GPBP1L1: variants seen among roughly 807,000 people sequenced by gnomAD.
GPBP1L1 encodes vasculin-like protein 1.
A neutral mutation model predicts 52.5 loss-of-function variants in GPBP1L1; 23 were observed. That is an observed-to-expected ratio of 0.44 (90% CI 0.32 to 0.62). The LOEUF is 0.62. Ranked by LOEUF, GPBP1L1 falls within the 20% of genes least tolerant of loss-of-function variation. GPBP1L1 has a pLI of 0.06. For missense variants in GPBP1L1, 596 were observed against 579.3 expected (o/e 1.03, Z -0.30); for synonymous variants, 243 against 203.1 (o/e 1.20, Z -1.67).
In GPBP1L1 at chr1:45,674,862, AT is replaced by A. The variant is rs1266625397; in HGVS notation, c.-1098+10713del. On this transcript the variant is annotated intron_variant, in intron 2 of 12. Coordinates refer to ENST00000355105, the MANE Select transcript of GPBP1L1 (RefSeq NM_021639.5). Reference sequence around the variant, plus strand: ...ATTTTCAACTTAACATTATTTTCAAATTACAAATGGGTTTATCCAGATGTAA... The same window carrying A: ...ATTTTCAACTTAACATTATTTTCAAATACAAATGGGTTTATCCAGATGTAA... Among the ~76,000 whole-genome samples the A allele has an allele frequency of 1.3e-3, 205 of 152,340 alleles. 3 individuals carry two copies. The highest frequency in any genetic ancestry group is 4.7e-3 in the African/African-American group (194 of 41,572).
chr1:45,659,076 A>T lies in GPBP1L1; in HGVS notation c.12T>A (p.His4Gln), dbSNP rs780874896. 6 of 1,614,150 alleles carry T rather than the reference A, an allele frequency of 3.7e-6. No individual in the cohort carries two copies. The highest frequency in any genetic ancestry group is 5.1e-6 in the Non-Finnish European group (6 of 1,179,980). Residue 4 changes from histidine to glutamine, a missense_variant, in exon 4 of 13, where the codon CAT becomes CAA. Physicochemically the swap from His to Gln is conservative, Grantham distance 24. Coordinates refer to ENST00000355105, the MANE Select transcript of GPBP1L1 (RefSeq NM_021639.5). The stretch of plus-strand genomic sequence containing the variant: ...AATTTAGCCAAGCAGGAACAAAATC[A>T]TGCTGCGCCATTTAGGTCCAGTGTC... Reference protein sequence around the residue: MAQHDFVPAWLNFS... With the variant: MAQQDFVPAWLNFS...
At chr1:45,658,097 G>T (rs1186578551) in intron 4 of GPBP1L1, among the ~76,000 whole-genome samples, 1 of 152,112 alleles carries the variant, frequency 6.6e-6, no homozygotes, top group Non-Finnish European at 1.5e-5. Context: ...TGTGTACTGT[G>T]ACTAGGTCTG....
chr1:45,636,379 T>C (rs1442272225), intron 8 of GPBP1L1, among the ~76,000 whole-genome samples: 2 of 152,216 alleles, frequency 1.3e-5, no homozygotes, highest in African/African-American at 2.4e-5. Flanking sequence ...CAATTACTTA[T>C]AACTGTTTCA....
intron 2 of GPBP1L1, among the ~76,000 whole-genome samples, chr1:45,680,993 C>T (rs1645206196): frequency 6.6e-6 from 1 of 151,624 alleles, no homozygotes; most frequent in Non-Finnish European, 1.5e-5. Flanking sequence ...AACAAGAACA[C>T]TGAAAACCCA....
intron 2 of GPBP1L1, among the ~76,000 whole-genome samples, chr1:45,681,369 T>TG (rs1189880323): frequency 2.6e-5 from 4 of 152,132 alleles, no homozygotes; most frequent in Non-Finnish European, 5.9e-5. Context: ...ATCTAGAATG[T>TG]GGGAAACTGC....
At chr1:45,666,881 G>A (rs2148495061) in intron 2 of GPBP1L1, among the ~76,000 whole-genome samples, 1 of 152,252 alleles carries the variant, frequency 6.6e-6, no homozygotes, top group East Asian at 1.9e-4. Flanking sequence ...AGGAAATGAA[G>A]TACTGATATA....
chr1:45,658,100 T>C (rs1644905887), intron 4 of GPBP1L1, among the ~76,000 whole-genome samples: 1 of 152,220 alleles, frequency 6.6e-6, no homozygotes, highest in African/African-American at 2.4e-5. Context: ...GTACTGTGAC[T>C]AGGTCTGCTT....
At chr1:45,645,862 G>C (rs1341449170) in intron 6 of GPBP1L1, 1 of 493,856 alleles carries the variant, frequency 2.0e-6, no homozygotes, top group East Asian at 5.7e-5. Context: ...TTTTCGTCTT[G>C]CTTCTTCATG....
At chr1:45,629,529 T>C in intron 12 of GPBP1L1, 47 bp downstream of exon 12, 4 of 971,510 alleles carry the variant, frequency 4.1e-6, no homozygotes, top group African/African-American at 1.7e-5. Context: ...TGACTCCTTA[T>C]TCTCCTGGTT....
At chr1:45,644,562 T>C (rs1481455369) in intron 6 of GPBP1L1, among the ~76,000 whole-genome samples, 2 of 152,220 alleles carry the variant, frequency 1.3e-5, no homozygotes, top group African/African-American at 4.8e-5. Flanking sequence ...ACTGCATTTT[T>C]TTTTTTTACT....
At chr1:45,684,186 A>G (rs11211162) in intron 2 of GPBP1L1, among the ~76,000 whole-genome samples, 41,452 of 137,586 alleles carry the variant, frequency 0.3, 5,983 homozygotes, top group Middle Eastern at 0.4. Flanking sequence ...TGAACCCAGG[A>G]GGCGGAGGTT....
intron 2 of GPBP1L1, among the ~76,000 whole-genome samples, chr1:45,666,181 G>A (rs117757832): frequency 8.7e-5 from 13 of 150,270 alleles, no homozygotes; most frequent in East Asian, 6.1e-4. Flanking sequence ...GGAGTGCAGT[G>A]GCACCCACTG....
intron 2 of GPBP1L1, among the ~76,000 whole-genome samples, chr1:45,669,926 T>C (rs539796058): frequency 2.0e-5 from 3 of 152,352 alleles, no homozygotes; most frequent in Admixed American, 6.5e-5. Context: ...TCACTAGTTA[T>C]CAATCTATCT....
chr1:45,638,465 T>C (rs963142495), intron 8 of GPBP1L1, among the ~76,000 whole-genome samples: 21 of 152,248 alleles, frequency 1.4e-4, no homozygotes, highest in African/African-American at 3.4e-4. Flanking sequence ...CCTGTTGCTA[T>C]TGCAAACTCA....
intron 2 of GPBP1L1, among the ~76,000 whole-genome samples, chr1:45,681,286 T>C (rs577653459): frequency 6.6e-6 from 1 of 152,190 alleles, no homozygotes; most frequent in South Asian, 2.1e-4. Context: ...GTCTTCTCAG[T>C]CTTCTCTATC....
chr1:45,630,719 T>C, intron 10 of GPBP1L1, 113 bp from the exon 11 acceptor site: 7 of 1,197,286 alleles, frequency 5.8e-6, no homozygotes, highest in Non-Finnish European at 8.1e-6. Context: ...AAAGACAGCC[T>C]CAGCCCACAG....
At chr1:45,629,463 C>A (rs1001041078) in intron 12 of GPBP1L1, 113 bp downstream of exon 12, 5 of 142,304 alleles carry the variant, frequency 3.5e-5, no homozygotes, top group Non-Finnish European at 7.6e-5. Context: ...ATCCCCCCCC[C>A]CCCCACCCGA....
chr1:45,686,913 G>GGTGGGTATGCAT (rs1645297087), upstream of GPBP1L1: 1 of 152,438 alleles, frequency 6.6e-6, no homozygotes, highest in Admixed American at 6.5e-5. Context: ...TGAATGAGTG[G>GGTGGGTATGCAT]GTGGGTATGC....
intron 2 of GPBP1L1, among the ~76,000 whole-genome samples, chr1:45,673,850 C>T (rs1645105756): frequency 6.6e-6 from 1 of 152,184 alleles, no homozygotes; most frequent in African/African-American, 2.4e-5. Flanking sequence ...CAGAGCAAGA[C>T]TCCGTCTCAA....
Sources: gnomAD v4.1 joint callset for allele counts (sites outside exome capture counted in the v4.1 genomes callset) on GRCh38, gnomAD v4.1.1 for gene constraint, MANE v1.5 for transcripts, NCBI Gene and HGNC (gene_info 2026-07-23, HGNC 2026-07-21) for gene names.